The following ZFHX3 variants were observed in gnomAD, a reference collection of about 807,000 sequenced individuals.
ZFHX3 encodes zinc finger homeobox 3, also known as zinc finger homeobox protein 3.
In ZFHX3, 42 loss-of-function variants were observed where a neutral mutation model predicts 279.1. The ratio of observed to expected loss-of-function variants is 0.15; its 90% CI spans 0.12 to 0.19. The LOEUF is 0.19. Ranked by LOEUF, ZFHX3 falls within the 10% of genes least tolerant of loss-of-function variation. ZFHX3 has a pLI of 1.00. For missense variants in ZFHX3, 4,981 were observed against 4,754.0 expected (o/e 1.05, Z -1.40); for synonymous variants, 2,293 against 1,957.8 (o/e 1.17, Z -4.52).
At chr16:72,928,214 A>AGGGGAGCGAG (rs1346962556) in intron 3 of ZFHX3, among the ~76,000 whole-genome samples, 1 of 17,028 alleles carries the variant, frequency 5.9e-5, no homozygotes, top group East Asian at 1.1e-3. Context: ...GGGGGAGCGA[A>AGGGGAGCGAG]GGGGAGCGAG....
At chr16:72,984,876 A>G (rs1404163072) in intron 1 of ZFHX3, among the ~76,000 whole-genome samples, 2 of 152,224 alleles carry the variant, frequency 1.3e-5, no homozygotes, top group African/African-American at 4.8e-5. Flanking sequence ...ATGTATGTAT[A>G]CATGTACATG....
chr16:73,349,284 C>G (rs1309436385), intron 3 of ZFHX3, among the ~76,000 whole-genome samples: 1 of 152,178 alleles, frequency 6.6e-6, no homozygotes. Context: ...CATCCTCACA[C>G]CCTTCCCCTG....
intron 1 of ZFHX3, among the ~76,000 whole-genome samples, chr16:73,735,846 A>T (rs770787553): frequency 5.3e-5 from 8 of 150,652 alleles, no homozygotes; most frequent in Non-Finnish European, 1.0e-4. Flanking sequence ...CATAGGTGAC[A>T]TTCTGTGCAA....
chr16:73,206,788 C>T (rs1039471789), intron 5 of ZFHX3, among the ~76,000 whole-genome samples: 9 of 151,956 alleles, frequency 5.9e-5, no homozygotes, highest in African/African-American at 1.2e-4. Context: ...GAGGCCGAGG[C>T]GGGTGGATCA....
At chr16:73,194,600 G>T (rs901985626) in intron 5 of ZFHX3, among the ~76,000 whole-genome samples, 1 of 152,128 alleles carries the variant, frequency 6.6e-6, no homozygotes, top group Non-Finnish European at 1.5e-5. Context: ...TTATGGTTAC[G>T]TCAACTAGAG....
intron 2 of ZFHX3, among the ~76,000 whole-genome samples, chr16:73,564,734 T>C (rs2020425189): frequency 1.3e-5 from 2 of 152,140 alleles, no homozygotes; most frequent in Admixed American, 6.5e-5. Context: ...TACTTCAAAA[T>C]TGTACCACTG....
chr16:73,523,743 T>A (rs2019646532), intron 2 of ZFHX3, among the ~76,000 whole-genome samples: 1 of 152,112 alleles, frequency 6.6e-6, no homozygotes, highest in Non-Finnish European at 1.5e-5. Context: ...TTTTGTTTTG[T>A]CCTTGCATCT....
At chr16:73,074,226 T>C (rs1056111104) in intron 8 of ZFHX3, among the ~76,000 whole-genome samples, 5 of 152,220 alleles carry the variant, frequency 3.3e-5, no homozygotes, top group Non-Finnish European at 7.3e-5. Context: ...TGAGTCTAGC[T>C]GAAGGCTCAG....
rs2035571711 is a variant in ZFHX3, at chr16:72,788,730, G to A, written c.9546C>T (p.Thr3182=). The A allele has an allele frequency of 6.2e-7, 1 of 1,601,522 alleles. No individual in the cohort carries two copies. The highest frequency in any genetic ancestry group is 1.3e-5 in the African/African-American group (1 of 74,244). Residue 3182 remains threonine (T), a synonymous_variant, in exon 10 of 10, where the codon ACC becomes ACT. Transcript: ENST00000268489. ...CCATCGCCATCGTGGCTTGTGCTGG[G>A]GTTGGGGAGCTCAGCGACGCTGAGG... The part of the protein sequence containing the change: ...KPSSASLSSP[T]PAQATMAMGP...
intron 4 of ZFHX3, among the ~76,000 whole-genome samples, chr16:73,289,495 T>C (rs1263294269): frequency 6.6e-6 from 1 of 152,000 alleles, no homozygotes; most frequent in African/African-American, 2.4e-5. Context: ...GCCCCAGATA[T>C]GTATCTCTAA....
At chr16:73,518,960 C>T (rs1320464692) in intron 2 of ZFHX3, among the ~76,000 whole-genome samples, 1 of 152,214 alleles carries the variant, frequency 6.6e-6, no homozygotes, top group Admixed American at 6.5e-5. Flanking sequence ...GGAGATTTTG[C>T]AAAGTCCAGG....
At chr16:73,616,606 G>C (rs1339142665) in intron 2 of ZFHX3, among the ~76,000 whole-genome samples, 1 of 151,820 alleles carries the variant, frequency 6.6e-6, no homozygotes, top group Admixed American at 6.6e-5. Context: ...AATTCAATGT[G>C]TGTGTGTACA....
chr16:73,672,319 C>A (rs999457581), intron 2 of ZFHX3, among the ~76,000 whole-genome samples: 11 of 152,092 alleles, frequency 7.2e-5, no homozygotes, highest in Middle Eastern at 3.2e-3. Context: ...CCAATATTAA[C>A]CCTTAAATGA....
chr16:73,872,537 G>A (rs1445860692), intron 1 of ZFHX3, among the ~76,000 whole-genome samples: 3 of 151,730 alleles, frequency 2.0e-5, no homozygotes, highest in African/African-American at 7.3e-5. Flanking sequence ...CAGGCCAGGT[G>A]ATCCTTTCTT....
intron 3 of ZFHX3, among the ~76,000 whole-genome samples, chr16:73,452,584 CA>C (rs1326230369): frequency 1.3e-5 from 2 of 152,138 alleles, no homozygotes; most frequent in African/African-American, 2.4e-5. Flanking sequence ...CTCAATTAAT[CA>C]GTGCATTTTG....
intron 7 of ZFHX3, among the ~76,000 whole-genome samples, chr16:73,104,819 C>T (rs1219115389): frequency 6.6e-6 from 1 of 152,074 alleles, no homozygotes; most frequent in African/African-American, 2.4e-5. Context: ...CTCCTTCAAC[C>T]CCACCATTCT....
At chr16:73,293,716 C>G (rs1018924649) in intron 4 of ZFHX3, 21 of 152,268 alleles carry the variant, frequency 1.4e-4, no homozygotes, top group African/African-American at 5.1e-4. Flanking sequence ...CCATCAGAAG[C>G]ATGGTGGGTC....
chr16:73,381,151 T>C (rs2016812239), intron 3 of ZFHX3, among the ~76,000 whole-genome samples: 1 of 152,150 alleles, frequency 6.6e-6, no homozygotes, highest in African/African-American at 2.4e-5. Flanking sequence ...AAAATCTTAT[T>C]GAAAGACCCC....
At chr16:73,505,489 A>G (rs1597361889) in intron 2 of ZFHX3, among the ~76,000 whole-genome samples, 1 of 152,214 alleles carries the variant, frequency 6.6e-6, no homozygotes, top group East Asian at 1.9e-4. Flanking sequence ...CTTATTCCTA[A>G]GAAACCTGTC....
Sources: gnomAD v4.1 joint callset for allele counts (sites outside exome capture counted in the v4.1 genomes callset) on GRCh38, gnomAD v4.1.1 for gene constraint, MANE v1.5 for transcripts, NCBI Gene and HGNC (gene_info 2026-07-23, HGNC 2026-07-21) for gene names.